CCSER1: variants seen among roughly 807,000 people sequenced by gnomAD.
CCSER1 encodes the protein coiled-coil serine rich protein 1.
Under a neutral mutation model 82.0 loss-of-function variants are expected in CCSER1, and 41 were observed. That is an observed-to-expected ratio of 0.50 (90% CI 0.39 to 0.65). The LOEUF (loss-of-function observed/expected upper bound fraction) is 0.65, where lower values mean the gene tolerates loss of function less well. Among genes scored for constraint, CCSER1 ranks in the 30% least tolerant of loss-of-function variants. CCSER1 has a pLI of 0.00. For synonymous variants in CCSER1, 414 were observed against 383.9 expected, an observed-to-expected ratio of 1.08 and a Z score of -0.92; for missense variants, 1,119 against 1,064.2, an observed-to-expected ratio of 1.05 and a Z score of -0.72.
At chr4:90,325,559 G>A (rs1362177416) in intron 3 of CCSER1, 3 of 355,644 alleles carry the variant, frequency 8.4e-6, no homozygotes, top group Non-Finnish European at 6.1e-6. Flanking sequence ...GGCTGGGACA[G>A]CTTCCATAGC....
chr4:91,160,289 C>A (rs1029037304), intron 10 of CCSER1, among the ~76,000 whole-genome samples: 2 of 152,142 alleles, frequency 1.3e-5, no homozygotes, highest in Non-Finnish European at 2.9e-5. Flanking sequence ...TTAATCCAGT[C>A]TGTAATTGAT....
chr4:90,926,108 T>A (rs997730693), intron 9 of CCSER1, among the ~76,000 whole-genome samples: 4 of 152,064 alleles, frequency 2.6e-5, no homozygotes, highest in African/African-American at 7.2e-5. Flanking sequence ...AAATATTTTT[T>A]AATATTTTAT....
chr4:90,447,038 A>G (rs1229069761), intron 4 of CCSER1, among the ~76,000 whole-genome samples: 18 of 152,182 alleles, frequency 1.2e-4, no homozygotes, highest in Non-Finnish European at 2.2e-4. Context: ...AAAACTTCCT[A>G]TCAACAGTAG....
At chr4:90,527,076 A>G (rs996365902) in intron 5 of CCSER1, among the ~76,000 whole-genome samples, 1 of 152,214 alleles carries the variant, frequency 6.6e-6, no homozygotes, top group Non-Finnish European at 1.5e-5. Context: ...AGCAATGGCA[A>G]CAAAAGCCAA....
intron 6 of CCSER1, among the ~76,000 whole-genome samples, chr4:90,639,129 A>G (rs1726012148): frequency 6.6e-6 from 1 of 151,900 alleles, no homozygotes; most frequent in African/African-American, 2.4e-5. Context: ...CACGTGTGAA[A>G]TATTTGAGAT....
intron 8 of CCSER1, among the ~76,000 whole-genome samples, chr4:90,908,353 G>A (rs1447830559): frequency 6.6e-6 from 1 of 152,092 alleles, no homozygotes; most frequent in Non-Finnish European, 1.5e-5. Flanking sequence ...GAAAATGAGT[G>A]TGAGGAGAGT....
chr4:91,396,331 T>A (rs1452439737), intron 10 of CCSER1, among the ~76,000 whole-genome samples: 1 of 152,138 alleles, frequency 6.6e-6, no homozygotes, highest in African/African-American at 2.4e-5. Flanking sequence ...CTGGAATTAC[T>A]TGATAGGAAA....
intron 10 of CCSER1, among the ~76,000 whole-genome samples, chr4:91,551,622 CTT>C (rs1365273742): frequency 6.7e-6 from 1 of 150,348 alleles, no homozygotes; most frequent in Non-Finnish European, 1.5e-5. Flanking sequence ...ATTTGTTTCT[CTT>C]GAGTAGTTCC....
intron 3 of CCSER1, among the ~76,000 whole-genome samples, chr4:90,391,094 C>T (rs1210703824): frequency 7.1e-6 from 1 of 140,476 alleles, no homozygotes; most frequent in African/African-American, 2.8e-5. Context: ...TGAAACTCCC[C>T]TCTACTAAAA....
At chr4:90,795,869 T>G (rs1755930797) in intron 7 of CCSER1, among the ~76,000 whole-genome samples, 1 of 152,196 alleles carries the variant, frequency 6.6e-6, no homozygotes, top group Non-Finnish European at 1.5e-5. Flanking sequence ...TGGATAAGCA[T>G]TTTGATGTGC....
intron 6 of CCSER1, among the ~76,000 whole-genome samples, chr4:90,649,981 C>T (rs2149037542): frequency 6.6e-6 from 1 of 152,116 alleles, no homozygotes; most frequent in African/African-American, 2.4e-5. Context: ...CTTTGGGAGG[C>T]CAAGACGGGC....
At chr4:90,352,640 C>T (rs997917537) in intron 3 of CCSER1, among the ~76,000 whole-genome samples, 10 of 146,380 alleles carry the variant, frequency 6.8e-5, no homozygotes, top group East Asian at 2.1e-4. Flanking sequence ...ACAGCCTGGG[C>T]GACAGAGCAA....
At chr4:91,507,992 C>CTATATATATATATA (rs749844066) in intron 10 of CCSER1, among the ~76,000 whole-genome samples, 1 of 95,694 alleles carries the variant, frequency 1.0e-5, no homozygotes, top group Non-Finnish European at 2.2e-5. Flanking sequence ...TTAGGATTTT[C>CTATATATATATATA]TATATATATA....
At chr4:90,574,251 A>ATTTTTTTTTTTTTTT (rs777629017) in intron 5 of CCSER1, among the ~76,000 whole-genome samples, 19 of 86,074 alleles carry the variant, frequency 2.2e-4, no homozygotes, top group African/African-American at 1.1e-3. Flanking sequence ...AAACACATTA[A>ATTTTTTTTTTTTTTT]TTTTTTTTTT....
chr4:90,609,098 G>A (rs1785121890), intron 5 of CCSER1, among the ~76,000 whole-genome samples: 1 of 151,950 alleles, frequency 6.6e-6, no homozygotes, highest in Admixed American at 6.6e-5. Flanking sequence ...ATTTTAGTAT[G>A]TTTACTGCAA....
At chr4:90,958,039 C>A (rs1733703359) in intron 9 of CCSER1, among the ~76,000 whole-genome samples, 1 of 152,158 alleles carries the variant, frequency 6.6e-6, no homozygotes, top group Admixed American at 6.5e-5. Context: ...ATCTTCCAAA[C>A]TCCAGCACAT....
chr4:91,504,091 T>C (rs1386065936), intron 10 of CCSER1, among the ~76,000 whole-genome samples: 1 of 152,136 alleles, frequency 6.6e-6, no homozygotes. Context: ...GGATCACAAC[T>C]GAAGGACTAC....
In CCSER1 at chr4:91,602,264, T is replaced by C. The variant is rs1377741170; in HGVS notation, c.*3207T>C. Among the ~76,000 whole-genome samples, 2 of 152,106 alleles carry C rather than the reference T, an allele frequency of 1.3e-5. No individual in the cohort carries two copies. Among genetic ancestry groups the C allele is most frequent in the African/African-American group, 4.8e-5 (2 of 41,452 alleles). On this transcript the variant is annotated 3_prime_UTR_variant, in exon 11 of 11. Transcript: ENST00000509176. ...TTTATGATTTAATCCTAACTCATTG[T>C]CATTATTTCCTGAATGTTGAACTCC...
intron 5 of CCSER1, among the ~76,000 whole-genome samples, chr4:90,598,848 G>A (rs759503854): frequency 3.9e-5 from 6 of 152,108 alleles, no homozygotes; most frequent in Admixed American, 6.6e-5. Context: ...GAGGCACCTT[G>A]TTCCCAGAGT....
Sources: allele counts gnomAD v4.1 joint callset (sites outside exome capture counted in the v4.1 genomes callset), GRCh38; gene constraint gnomAD v4.1.1; transcripts MANE v1.5; gene names NCBI Gene and HGNC (gene_info 2026-07-23, HGNC 2026-07-21).